Variants in HPSE2 observed in about 807,000 individuals in gnomAD.
HPSE2 encodes heparanase 2 (inactive).
HPSE2 carries 38 observed loss-of-function variants against 60.5 expected under a neutral mutation model. The ratio of observed to expected loss-of-function variants is 0.63; its 90% CI spans 0.48 to 0.82. The LOEUF is 0.82. Among genes scored for constraint, HPSE2 ranks in the 40% least tolerant of loss-of-function variants. The pLI is 0.00. For synonymous variants in HPSE2, 295 were observed against 293.2 expected (o/e 1.01, Z -0.06); for missense variants, 713 against 740.4 (o/e 0.96, Z 0.43).
intron 3 of HPSE2, among the ~76,000 whole-genome samples, chr10:98,836,593 A>T (rs1951795763): frequency 6.6e-6 from 1 of 152,136 alleles, no homozygotes; most frequent in East Asian, 1.9e-4. Flanking sequence ...AATGTGTAGA[A>T]CAGGTCATGA....
At chr10:99,222,402 G>T (rs1294888989) in intron 2 of HPSE2, among the ~76,000 whole-genome samples, 2 of 152,068 alleles carry the variant, frequency 1.3e-5, no homozygotes, top group African/African-American at 2.4e-5. Flanking sequence ...GAAAGATAAG[G>T]CAAAGAAGTA....
rs1196185515 is a variant in HPSE2, at chr10:99,094,515, CATATATATATAT to C, written c.610+49711_610+49722del. On this transcript the variant is annotated intron_variant, in intron 3 of 11. Coordinates refer to ENST00000370552, the MANE Select transcript of HPSE2 (RefSeq NM_021828.5). Reference sequence around the variant, plus strand: ...CAGTTATTCTCTCTTTTTTATCATTCATATATATATATATATATATATATATTTTTTTTTTTT... The same window carrying C: ...CAGTTATTCTCTCTTTTTTATCATTCATATATATATATATTTTTTTTTTTT... Among the ~76,000 whole-genome samples the C allele has an allele frequency of 1.9e-4, 5 of 25,886 alleles. No homozygotes were observed. In the East Asian group the frequency reaches 6.7e-3, roughly 35 times the overall value. The allele number at this position is 25,886 out of a possible 152,430, so 17.0% of individuals were successfully genotyped here.
intron 3 of HPSE2, among the ~76,000 whole-genome samples, chr10:98,864,420 G>A (rs534236376): frequency 6.6e-6 from 1 of 152,212 alleles, no homozygotes; most frequent in South Asian, 2.1e-4. Flanking sequence ...ACTCCACCAA[G>A]TACCAATTTT....
At chr10:99,053,722 T>TTA (rs1958043973) in intron 3 of HPSE2, among the ~76,000 whole-genome samples, 1 of 111,902 alleles carries the variant, frequency 8.9e-6, no homozygotes, top group Non-Finnish European at 1.9e-5. Context: ...TTACAGTCTT[T>TTA]TTTTTTTTTT....
At position 98,935,643 on chromosome 10, in the gene HPSE2, G is replaced by A. The variant is rs1379357763; in HGVS notation, c.611-191587C>T. Among the ~76,000 whole-genome samples the A allele has an allele frequency of 1.1e-4, 16 of 144,126 alleles. 3 individuals carry two copies. The highest frequency in any genetic ancestry group is 3.1e-4 in the African/African-American group (11 of 35,602). The allele number at this position is 144,126 out of a possible 152,430, so 94.6% of individuals were successfully genotyped here. ...TTGCAGAACAGCAAAGATTGCTGCC[G>A]GCTCCTTCCTCTGGAAGCTTCATCC... On this transcript the variant is annotated intron_variant, in intron 3 of 11. Coordinates refer to ENST00000370552, the MANE Select transcript of HPSE2 (RefSeq NM_021828.5).
intron 6 of HPSE2, among the ~76,000 whole-genome samples, chr10:98,688,254 C>T (rs1947968580): frequency 6.6e-6 from 1 of 151,838 alleles, no homozygotes; most frequent in Non-Finnish European, 1.5e-5. Flanking sequence ...GGTATTATTG[C>T]CATGTATTTT....
At chr10:99,220,079 T>C (rs952695407) in intron 2 of HPSE2, among the ~76,000 whole-genome samples, 1 of 152,206 alleles carries the variant, frequency 6.6e-6, no homozygotes, top group Non-Finnish European at 1.5e-5. Flanking sequence ...AAGCACTTGT[T>C]TTATTAAAGG....
intron 9 of HPSE2, among the ~76,000 whole-genome samples, chr10:98,505,173 A>G (rs2133723180): frequency 6.6e-6 from 1 of 152,306 alleles, no homozygotes; most frequent in Middle Eastern, 3.4e-3. Flanking sequence ...CTGTTTCCTT[A>G]TATACAAGTA....
chr10:98,544,917 AAAG>A (rs1261702640), intron 9 of HPSE2, among the ~76,000 whole-genome samples: 1 of 152,100 alleles, frequency 6.6e-6, no homozygotes, highest in Admixed American at 6.5e-5. Context: ...CAAGACTAAT[AAAG>A]AAGAAAAGGG....
intron 5 of HPSE2, among the ~76,000 whole-genome samples, chr10:98,704,153 A>G (rs1025463939): frequency 6.6e-6 from 1 of 152,206 alleles, no homozygotes; most frequent in African/African-American, 2.4e-5. Flanking sequence ...ATGAACTCCT[A>G]TTCGCAATTG....
intron 3 of HPSE2, among the ~76,000 whole-genome samples, chr10:99,005,659 T>A (rs541862814): frequency 1.3e-5 from 2 of 152,284 alleles, no homozygotes; most frequent in African/African-American, 4.8e-5. Flanking sequence ...AATCTCTATT[T>A]CTTTGAGGGT....
At chr10:98,954,958 T>TTA (rs34653496) in intron 3 of HPSE2, among the ~76,000 whole-genome samples, 115 of 117,538 alleles carry the variant, frequency 9.8e-4, no homozygotes, top group East Asian at 3.8e-3. Flanking sequence ...AGCATCAATT[T>TTA]TATATATATA....
chr10:99,265,611 C>T, the HPSE2 span, among the ~76,000 whole-genome samples: 2 of 152,064 alleles, frequency 1.3e-5, no homozygotes, highest in African/African-American at 2.4e-5. Flanking sequence ...GGAGTGAAAG[C>T]GAAAAATGGT....
In HPSE2 at chr10:98,656,561, T is replaced by C. The variant is rs142554844; in HGVS notation, c.1005-14621A>G. Among the ~76,000 whole-genome samples, 10 of 152,292 alleles carry C rather than the reference T, an allele frequency of 6.6e-5. No individual in the cohort carries two copies. The East Asian group carries it at 1.9e-3, about 29-fold the overall frequency. On this transcript the variant is annotated intron_variant, in intron 6 of 11. Coordinates refer to ENST00000370552, the MANE Select transcript of HPSE2 (RefSeq NM_021828.5). ...AGATATCAGCATCCATGTCATCACA[T>C]AATTGACTTTTTTATGAGGACCCAC...
chr10:99,112,012 A>C (rs1022909293), intron 3 of HPSE2, among the ~76,000 whole-genome samples: 2 of 152,250 alleles, frequency 1.3e-5, no homozygotes, highest in African/African-American at 2.4e-5. Flanking sequence ...GCACAGTGCT[A>C]GCACATGCCA....
intron 10 of HPSE2, among the ~76,000 whole-genome samples, chr10:98,485,249 G>A (rs140902882): frequency 1.5e-3 from 221 of 152,316 alleles, no homozygotes; most frequent in African/African-American, 5.0e-3. Flanking sequence ...ATATTTGGCA[G>A]ATGAATTGGG....
chr10:98,532,335 A>G (rs543140345), intron 9 of HPSE2, among the ~76,000 whole-genome samples: 2 of 152,312 alleles, frequency 1.3e-5, no homozygotes, highest in Admixed American at 1.3e-4. Flanking sequence ...TGAAATGCCT[A>G]TTGCTATAAA....
At chr10:98,513,074 T>C (rs1473313152) in intron 9 of HPSE2, among the ~76,000 whole-genome samples, 1 of 152,212 alleles carries the variant, frequency 6.6e-6, no homozygotes, top group Non-Finnish European at 1.5e-5. Context: ...ATTTTCATAA[T>C]GATGGGATTA....
At chr10:98,502,521 T>C (rs899323906) in intron 9 of HPSE2, among the ~76,000 whole-genome samples, 2 of 152,340 alleles carry the variant, frequency 1.3e-5, no homozygotes, top group Non-Finnish European at 1.5e-5. Context: ...AACTGGATCC[T>C]CATCTCTCAC....
Sources: allele counts gnomAD v4.1 joint callset (sites outside exome capture counted in the v4.1 genomes callset), GRCh38; gene constraint gnomAD v4.1.1; transcripts MANE v1.5; gene names NCBI Gene and HGNC (gene_info 2026-07-23, HGNC 2026-07-21).